Variants in ATG5 observed in about 807,000 individuals in gnomAD.
ATG5 encodes the protein autophagy related 5.
ATG5 carries 14 observed loss-of-function variants against 36.5 expected under a neutral mutation model. That is an observed-to-expected ratio of 0.38 (90% CI 0.25 to 0.60). ATG5 has a LOEUF of 0.60. ATG5 is among the 20% of genes least tolerant of loss of function. ATG5 has a pLI of 0.60. For synonymous variants in ATG5, 95 were observed against 101.5 expected (o/e 0.94, Z 0.38); for missense variants, 195 against 326.7 (o/e 0.60, Z 3.11).
chr6:106,213,897 T>C (rs771112479), intron 6 of ATG5, among the ~76,000 whole-genome samples: 3 of 152,302 alleles, frequency 2.0e-5, no homozygotes, highest in East Asian at 1.9e-4. Context: ...TCTTGAACCA[T>C]TGTGAAACGT....
chr6:106,325,427 G>A (rs978926689), intron 1 of ATG5, 99 bp downstream of exon 1: 1 of 152,458 alleles, frequency 6.6e-6, no homozygotes, highest in South Asian at 2.1e-4. Flanking sequence ...CGCTCCTCCA[G>A]GCAACTACTC....
chr6:106,299,173 A>C (rs1770104551), intron 3 of ATG5, among the ~76,000 whole-genome samples: 1 of 152,206 alleles, frequency 6.6e-6, no homozygotes, highest in Non-Finnish European at 1.5e-5. Flanking sequence ...GGATACCAAA[A>C]TTCGCAGATG....
intron 7 of ATG5, among the ~76,000 whole-genome samples, chr6:106,191,567 A>T (rs574209354): frequency 1.3e-5 from 2 of 152,162 alleles, no homozygotes; most frequent in Non-Finnish European, 2.9e-5. Context: ...CTCATCTTAC[A>T]GTGTGAACAA....
intron 5 of ATG5, among the ~76,000 whole-genome samples, chr6:106,250,730 T>C (rs1176113240): frequency 6.6e-6 from 1 of 152,240 alleles, no homozygotes; most frequent in African/African-American, 2.4e-5. Flanking sequence ...GGTGCATGCA[T>C]AGTATGTGCT....
chr6:106,201,194 G>A (rs1253560535), intron 7 of ATG5, among the ~76,000 whole-genome samples: 2 of 152,020 alleles, frequency 1.3e-5, no homozygotes, highest in Non-Finnish European at 2.9e-5. Context: ...TCTGCTGTGG[G>A]CATGATGGGG....
intron 5 of ATG5, among the ~76,000 whole-genome samples, chr6:106,277,160 A>G (rs1015854582): frequency 4.6e-5 from 7 of 152,244 alleles, no homozygotes; most frequent in Non-Finnish European, 8.8e-5. Context: ...GTAAAAGGAA[A>G]GTTTAACAAA....
At chr6:106,298,280 A>C (rs188807514) in intron 3 of ATG5, among the ~76,000 whole-genome samples, 3 of 151,828 alleles carry the variant, frequency 2.0e-5, no homozygotes, top group Non-Finnish European at 2.9e-5. Flanking sequence ...AAATCTTAAA[A>C]TTTTTTTTTA....
chr6:106,306,071 C>T lies in ATG5; in HGVS notation c.236+2293G>A, dbSNP rs200472895. ...ATAACACATAAAAAGTTAACACCCCCAAAACTACCATAAAGATACTTGAAT... is the reference window on the plus strand; with the variant it reads ...ATAACACATAAAAAGTTAACACCCCTAAAACTACCATAAAGATACTTGAAT... On this transcript the variant is annotated intron_variant, in intron 3 of 7. Coordinates refer to ENST00000369076, the MANE Select transcript of ATG5 (RefSeq NM_004849.4). Among the ~76,000 whole-genome samples the T allele has an allele frequency of 1.1e-4, 17 of 152,298 alleles. No homozygotes were observed. The South Asian group carries it at 3.5e-3, about 32-fold the overall frequency.
At chr6:106,314,506 G>C (rs903552727) in intron 2 of ATG5, among the ~76,000 whole-genome samples, 2 of 152,096 alleles carry the variant, frequency 1.3e-5, no homozygotes, top group Non-Finnish European at 2.9e-5. Flanking sequence ...GCAGTGAGCC[G>C]AGATGGCACT....
intron 5 of ATG5, among the ~76,000 whole-genome samples, chr6:106,262,744 A>G (rs1355913784): frequency 6.6e-6 from 1 of 152,168 alleles, no homozygotes; most frequent in African/African-American, 2.4e-5. Context: ...TTCACCCAGG[A>G]TGTGCAAGAA....
At chr6:106,309,325 G>T (rs1262047077) in intron 2 of ATG5, among the ~76,000 whole-genome samples, 1 of 152,138 alleles carries the variant, frequency 6.6e-6, no homozygotes, top group Non-Finnish European at 1.5e-5. Context: ...TACAGAAAGA[G>T]ATATTCTGGT....
At chr6:106,318,354 C>T (rs1332413469) in intron 1 of ATG5, among the ~76,000 whole-genome samples, 1 of 152,160 alleles carries the variant, frequency 6.6e-6, no homozygotes, top group Non-Finnish European at 1.5e-5. Flanking sequence ...CTTTCCATAA[C>T]ATTCTCTTCT....
intron 7 of ATG5, among the ~76,000 whole-genome samples, chr6:106,195,187 G>A (rs1194995278): frequency 2.0e-5 from 3 of 152,164 alleles, no homozygotes; most frequent in Non-Finnish European, 2.9e-5. Flanking sequence ...TAGTACATTT[G>A]ACTTTCATAT....
At chr6:106,278,246 A>G (rs1779738342) in intron 5 of ATG5, among the ~76,000 whole-genome samples, 3 of 152,078 alleles carry the variant, frequency 2.0e-5, no homozygotes, top group Admixed American at 2.0e-4. Context: ...CCCAGCCAAA[A>G]ATGTTTTATT....
chr6:106,288,478 T>G (rs1300291936), intron 4 of ATG5, among the ~76,000 whole-genome samples: 1 of 152,118 alleles, frequency 6.6e-6, no homozygotes, highest in Non-Finnish European at 1.5e-5. Flanking sequence ...CAATTAACAC[T>G]CTACAATTAT....
chr6:106,256,824 A>G (rs1005935494), intron 5 of ATG5, among the ~76,000 whole-genome samples: 9 of 152,190 alleles, frequency 5.9e-5, no homozygotes, highest in Non-Finnish European at 1.3e-4. Flanking sequence ...GGCCTAGGAC[A>G]TTACTATACT....
chr6:106,226,018 G>T (rs1331923937), intron 6 of ATG5, among the ~76,000 whole-genome samples: 1 of 152,152 alleles, frequency 6.6e-6, no homozygotes, highest in Non-Finnish European at 1.5e-5. Flanking sequence ...ATCTACGAAG[G>T]CCCTAAACTC....
intron 5 of ATG5, among the ~76,000 whole-genome samples, chr6:106,261,683 G>A (rs1779025669): frequency 6.6e-6 from 1 of 152,190 alleles, no homozygotes; most frequent in Non-Finnish European, 1.5e-5. Context: ...CTAGAGTAGT[G>A]GTTCTCCTAA....
intron 4 of ATG5, among the ~76,000 whole-genome samples, chr6:106,289,381 G>A (rs1157297348): frequency 6.6e-6 from 1 of 151,070 alleles, no homozygotes; most frequent in African/African-American, 2.4e-5. Context: ...TCCCCTAAAT[G>A]AATGGAACTT....
Sources: gnomAD v4.1 joint callset for allele counts (sites outside exome capture counted in the v4.1 genomes callset) on GRCh38, gnomAD v4.1.1 for gene constraint, MANE v1.5 for transcripts, NCBI Gene and HGNC (gene_info 2026-07-23, HGNC 2026-07-21) for gene names.